Variants in RIMS2 observed in about 807,000 individuals in gnomAD.
RIMS2 encodes regulating synaptic membrane exocytosis 2, also known as regulating synaptic membrane exocytosis protein 2.
A neutral mutation model predicts 174.4 loss-of-function variants in RIMS2; 59 were observed. The ratio of observed to expected loss-of-function variants is 0.34; its 90% CI spans 0.27 to 0.42. The LOEUF is 0.42. RIMS2 is among the 10% of genes least tolerant of loss of function. RIMS2 has a pLI of 1.00. For missense variants in RIMS2, 1,620 were observed against 1,666.3 expected (o/e 0.97, Z 0.48); for synonymous variants, 606 against 572.5 (o/e 1.06, Z -0.84).
chr8:104,243,586 T>C (rs1159581352), intron 19 of RIMS2, among the ~76,000 whole-genome samples: 1 of 152,106 alleles, frequency 6.6e-6, no homozygotes, highest in Non-Finnish European at 1.5e-5. Flanking sequence ...CTTGGGAGGC[T>C]GAGGCAGGAG....
At chr8:103,783,267 CTTT>C (rs58402080) in intron 3 of RIMS2, among the ~76,000 whole-genome samples, 22,874 of 140,916 alleles carry the variant, frequency 0.16, 1,819 homozygotes, top group Middle Eastern at 0.26. Context: ...TTTTTCTTTT[CTTT>C]TTTTTTTTTT....
chr8:104,247,036 G>C (rs953091295), intron 20 of RIMS2, among the ~76,000 whole-genome samples: 3 of 152,062 alleles, frequency 2.0e-5, no homozygotes, highest in African/African-American at 7.3e-5. Context: ...CAGCAACAGG[G>C]AGAGCATTCA....
At chr8:104,061,404 T>C (rs1465134193) in intron 19 of RIMS2, among the ~76,000 whole-genome samples, 1 of 152,136 alleles carries the variant, frequency 6.6e-6, no homozygotes, top group Admixed American at 6.6e-5. Flanking sequence ...CCCAGATTCA[T>C]AAAGCAAGTC....
intron 1 of RIMS2, among the ~76,000 whole-genome samples, chr8:103,607,138 G>A (rs904877135): frequency 1.3e-5 from 2 of 152,062 alleles, no homozygotes; most frequent in South Asian, 2.1e-4. Flanking sequence ...AGTGGCTGGT[G>A]CCGGTTGTTC....
chr8:103,985,902 A>G lies in RIMS2; in HGVS notation c.2928-3403A>G, dbSNP rs2094325395. 2.6e-5 allele frequency among the ~76,000 whole-genome samples: 4 copies of G among 152,332 alleles called. No individual in the cohort carries two copies. The South Asian group carries it at 8.3e-4, about 32-fold the overall frequency. ...ATACCACATGATCTAACTTATATAT[A>G]GAATCTAAAAAGTTGCAGTTTCTGA... On this transcript the variant is annotated intron_variant, in intron 16 of 23. Coordinates refer to ENST00000504942, the Ensembl canonical transcript of RIMS2.
At chr8:103,539,439 C>T (rs145897238) in intron 1 of RIMS2, among the ~76,000 whole-genome samples, 63 of 152,200 alleles carry the variant, frequency 4.1e-4, no homozygotes, top group African/African-American at 1.4e-3. Flanking sequence ...ATAAAGTATA[C>T]TGAAGCAACA....
At chr8:103,518,140 C>T (rs1314758398) in intron 1 of RIMS2, among the ~76,000 whole-genome samples, 1 of 152,032 alleles carries the variant, frequency 6.6e-6, no homozygotes, top group Non-Finnish European at 1.5e-5. Flanking sequence ...ATGAATGTGT[C>T]AGGAGAAGTC....
chr8:103,910,291 CTTTT>C (rs75164936), intron 5 of RIMS2, 26 bp from the exon 8 acceptor site: 15 of 1,284,816 alleles, frequency 1.2e-5, no homozygotes, highest in Non-Finnish European at 1.6e-5. Flanking sequence ...TTTTTTGTAT[CTTTT>C]TTTTTTTTTT....
intron 2 of RIMS2, among the ~76,000 whole-genome samples, chr8:103,707,108 A>G (rs1160248825): frequency 1.3e-5 from 2 of 152,114 alleles, no homozygotes; most frequent in Non-Finnish European, 2.9e-5. Flanking sequence ...TTCCAGCTCC[A>G]GGATTTGTTT....
intron 18 of RIMS2, 44 bp from the exon 21 acceptor site, chr8:104,014,462 G>A (rs751530488): frequency 1.9e-6 from 2 of 1,068,248 alleles, no homozygotes; most frequent in Non-Finnish European, 1.4e-6. Context: ...TTAAAAATAT[G>A]TAACTCATTA....
intron 3 of RIMS2, among the ~76,000 whole-genome samples, chr8:103,789,018 G>A (rs1486913597): frequency 2.6e-5 from 4 of 152,206 alleles, no homozygotes; most frequent in Non-Finnish European, 4.4e-5. Flanking sequence ...TATTCGGGTG[G>A]GAGTGACCCG....
At chr8:104,205,166 C>T (rs534863922) in intron 19 of RIMS2, among the ~76,000 whole-genome samples, 8 of 152,230 alleles carry the variant, frequency 5.3e-5, no homozygotes, top group African/African-American at 1.9e-4. Flanking sequence ...AATGTGAAAA[C>T]TATACCTTTT....
chr8:103,604,188 A>G (rs1033938308), intron 1 of RIMS2, among the ~76,000 whole-genome samples: 10 of 150,864 alleles, frequency 6.6e-5, no homozygotes, highest in Non-Finnish European at 8.9e-5. Flanking sequence ...AGGTGTAAGG[A>G]AGGGATCCAG....
At chr8:103,724,546 T>C (rs2097502320) in intron 2 of RIMS2, among the ~76,000 whole-genome samples, 2 of 152,200 alleles carry the variant, frequency 1.3e-5, no homozygotes, top group Admixed American at 1.3e-4. Context: ...AGTAAAAGTT[T>C]CTTTATTTCA....
Position 103,958,897 on chromosome 8 carries a change from G to A in RIMS2, c.2702-2168G>A, listed in dbSNP as rs142433588. ...AAAAGTCTGTGAAAGTCTGTTGCCT[G>A]TTCATATAGTAGTGATTCTGGAAGT... is the stretch of plus-strand genomic sequence containing the variant. On this transcript the variant is annotated intron_variant, in intron 14 of 23. Transcript: ENST00000504942. Among the ~76,000 whole-genome samples the A allele has an allele frequency of 2.7e-3, 405 of 152,314 alleles. 3 individuals are homozygous for A. The highest frequency in any genetic ancestry group is 8.5e-3 in the African/African-American group (355 of 41,576).
chr8:103,915,678 TG>T, intron 7 of RIMS2, 84 bp downstream of exon 10: 1 of 597,268 alleles, frequency 1.7e-6, no homozygotes, highest in East Asian at 3.1e-5. Context: ...AGAAGTGATT[TG>T]ACAATAACAA....
intron 19 of RIMS2, among the ~76,000 whole-genome samples, chr8:104,221,753 C>T (rs922093666): frequency 2.6e-5 from 4 of 152,134 alleles, no homozygotes; most frequent in African/African-American, 7.2e-5. Flanking sequence ...TGAAAGTTTC[C>T]TAATTTTAAG....
intron 3 of RIMS2, among the ~76,000 whole-genome samples, chr8:103,807,718 T>G (rs1363298494): frequency 1.3e-5 from 2 of 152,078 alleles, no homozygotes; most frequent in African/African-American, 4.8e-5. Flanking sequence ...ATGGAGGAGC[T>G]GGTAATAAAA....
chr8:103,691,318 G>T (rs749086870), intron 1 of RIMS2, among the ~76,000 whole-genome samples: 1 of 152,078 alleles, frequency 6.6e-6, no homozygotes, highest in African/African-American at 2.4e-5. Flanking sequence ...ATAACTCTTA[G>T]ATTTGCCATT....
Sources: allele counts gnomAD v4.1 joint callset (sites outside exome capture counted in the v4.1 genomes callset), GRCh38; gene constraint gnomAD v4.1.1; transcripts MANE v1.5; gene names NCBI Gene and HGNC (gene_info 2026-07-23, HGNC 2026-07-21).